Variants in FARP1 observed in about 807,000 individuals in gnomAD.
The protein encoded by FARP1 is FERM, ARH/RhoGEF and pleckstrin domain protein 1.
A neutral mutation model predicts 128.8 loss-of-function variants in FARP1; 52 were observed. That is an observed-to-expected ratio of 0.40 (90% CI 0.32 to 0.51). The LOEUF (loss-of-function observed/expected upper bound fraction) is 0.51. Ranked by LOEUF, FARP1 falls within the 20% of genes least tolerant of loss-of-function variation. The pLI, the probability that FARP1 is intolerant of heterozygous loss-of-function variation, is 0.45. For synonymous variants in FARP1, 580 were observed against 551.8 expected, an observed-to-expected ratio of 1.05 and a Z score of -0.72; for missense variants, 1,333 against 1,367.9, an observed-to-expected ratio of 0.97 and a Z score of 0.40.
intron 8 of FARP1, 112 bp downstream of exon 8, chr13:98,385,926 G>A: frequency 2.6e-6 from 3 of 1,172,994 alleles, no homozygotes; most frequent in Non-Finnish European, 2.4e-6. Context: ...TTATTTTTCG[G>A]CGAACAAAGA....
chr13:98,409,302 C>CT (rs5806061), intron 13 of FARP1, 36 bp from the exon 14 acceptor site: 1,258,823 of 1,299,612 alleles, frequency 0.97, 609,031 homozygotes, highest in Middle Eastern at 0.98. Flanking sequence ...AAAAAAATTA[C>CT]TTTTTTTTTC....
chr13:98,163,818 C>G (rs562389366), intron 1 of FARP1, among the ~76,000 whole-genome samples: 1 of 151,992 alleles, frequency 6.6e-6, no homozygotes, highest in Non-Finnish European at 1.5e-5. Context: ...AAGTGATTCT[C>G]CTGCCTCAGC....
At chr13:98,407,332 TTTC>T (rs1444462512) in intron 13 of FARP1, 8 of 79,822 alleles carry the variant, frequency 1.0e-4, no homozygotes, top group African/African-American at 3.8e-4. Context: ...TGATAACATT[TTTC>T]TTTTTGTGAT....
intron 2 of FARP1, among the ~76,000 whole-genome samples, chr13:98,288,346 A>G (rs1467559211): frequency 2.6e-5 from 4 of 152,144 alleles, no homozygotes; most frequent in Non-Finnish European, 5.9e-5. Flanking sequence ...TCTGGAACTG[A>G]CGGGAGCCTC....
intron 19 of FARP1, among the ~76,000 whole-genome samples, chr13:98,438,165 C>A (rs769763021): frequency 6.6e-6 from 1 of 152,074 alleles, no homozygotes; most frequent in Admixed American, 6.5e-5. Context: ...AGTGTACAGC[C>A]CCGGGGAGGA....
intron 6 of FARP1, chr13:98,384,506 C>T (rs1011749192): frequency 1.1e-4 from 60 of 561,310 alleles, no homozygotes; most frequent in African/African-American, 1.9e-4. Context: ...AAGCTTCTTT[C>T]TGACTGATAG....
intron 2 of FARP1, among the ~76,000 whole-genome samples, chr13:98,343,189 AGGAG>A (rs61503369): frequency 6.6e-6 from 1 of 152,172 alleles, no homozygotes; most frequent in African/African-American, 2.4e-5. Flanking sequence ...GCCAGGGATT[AGGAG>A]GGAGGGAGGG....
rs746146081 is a variant in FARP1 at position 98,395,216 on chromosome 13, A to T, written c.1165-11A>T. 11 of 1,581,460 alleles carry T rather than the reference A, an allele frequency of 7.0e-6. No homozygotes were observed. In the Admixed American group the frequency reaches 1.9e-4, roughly 27 times the overall value. On this transcript the variant is annotated splice_polypyrimidine_tract_variant and intron_variant, in intron 12 of 26. Transcript: ENST00000319562. ...TCTATCTCTCCGCACCTTTTTCCCC[A>T]CCCCACCCAGTCTCAGCAGAGCACC...
chr13:98,302,096 A>C (rs1174383076), intron 2 of FARP1, among the ~76,000 whole-genome samples: 1 of 152,194 alleles, frequency 6.6e-6, no homozygotes, highest in Non-Finnish European at 1.5e-5. Flanking sequence ...GGAAGCAAAA[A>C]GGAACTTTCC....
intron 4 of FARP1, 89 bp from the exon 5 acceptor site, chr13:98,368,028 C>A: frequency 9.9e-7 from 1 of 1,005,574 alleles, no homozygotes. Context: ...GAATGAGATG[C>A]ATTATTTGTA....
intron 1 of FARP1, among the ~76,000 whole-genome samples, chr13:98,165,743 T>G (rs1247449069): frequency 4.3e-4 from 48 of 111,236 alleles, no homozygotes; most frequent in Non-Finnish European, 7.8e-4. Flanking sequence ...TTTTTTTTTT[T>G]GTCTCACTCT....
At chr13:98,373,239 G>C (rs1889425914) in intron 5 of FARP1, among the ~76,000 whole-genome samples, 1 of 152,114 alleles carries the variant, frequency 6.6e-6, no homozygotes, top group Non-Finnish European at 1.5e-5. Flanking sequence ...CCATGCGTTT[G>C]TCCCTGAAAA....
chr13:98,181,614 T>G (rs1017433780), intron 1 of FARP1, among the ~76,000 whole-genome samples: 7 of 86,930 alleles, frequency 8.1e-5, no homozygotes, highest in African/African-American at 2.8e-4. Context: ...ATTTATTTAT[T>G]TATTTATTTA....
chr13:98,177,275 ACCCTTGCGTCG>A (rs771353711), intron 1 of FARP1: 80 of 1,480,536 alleles, frequency 5.4e-5, no homozygotes, highest in East Asian at 1.6e-4. Flanking sequence ...GGCGTGCGTC[ACCCTTGCGTCG>A]CCCTTGCGTC....
intron 1 of FARP1, among the ~76,000 whole-genome samples, chr13:98,181,581 A>G (rs540236836): frequency 2.6e-5 from 4 of 151,098 alleles, no homozygotes; most frequent in African/African-American, 4.8e-5. Context: ...CCTAAATCTT[A>G]CCATTTAGAA....
intron 2 of FARP1, among the ~76,000 whole-genome samples, chr13:98,293,000 G>T (rs1245019855): frequency 6.6e-6 from 1 of 151,994 alleles, no homozygotes; most frequent in African/African-American, 2.4e-5. Flanking sequence ...AACTCATGGG[G>T]TAAATAAAAT....
intron 2 of FARP1, among the ~76,000 whole-genome samples, chr13:98,247,240 C>CAA (rs979111898): frequency 1.3e-5 from 2 of 150,286 alleles, no homozygotes; most frequent in Admixed American, 6.6e-5. Flanking sequence ...ACTCTGTCTC[C>CAA]AAAAAAAAAG....
intron 2 of FARP1, among the ~76,000 whole-genome samples, chr13:98,307,637 T>TTCTCCCGAGAC (rs2139726227): frequency 6.6e-6 from 1 of 152,286 alleles, no homozygotes; most frequent in South Asian, 2.1e-4. Context: ...ACACCAAGTC[T>TTCTCCCGAGAC]CAAGTCCCCT....
chr13:98,177,058 G>A (rs1413114605), intron 1 of FARP1: 4 of 1,594,828 alleles, frequency 2.5e-6, no homozygotes, highest in South Asian at 1.1e-5. Context: ...TGCCACCCGC[G>A]GGGGCTGAGC....
Sources: gnomAD v4.1 joint callset for allele counts (sites outside exome capture counted in the v4.1 genomes callset) on GRCh38, gnomAD v4.1.1 for gene constraint, MANE v1.5 for transcripts, NCBI Gene and HGNC (gene_info 2026-07-23, HGNC 2026-07-21) for gene names.